The following CSMD2 variants were observed in gnomAD, a reference collection of about 807,000 sequenced individuals.
The protein encoded by CSMD2 is CUB and Sushi multiple domains 2, also known as CUB and sushi domain-containing protein 2.
CSMD2 carries 130 observed loss-of-function variants against 398.5 expected under a neutral mutation model. That is an observed-to-expected ratio of 0.33 (90% CI 0.28 to 0.38). CSMD2 has a LOEUF of 0.38. Among genes scored for constraint, CSMD2 ranks in the 10% least tolerant of loss-of-function variants. The pLI is 1.00. For synonymous variants in CSMD2, 1,828 were observed against 1,908.5 expected (o/e 0.96, Z 1.10); for missense variants, 3,829 against 4,764.9 (o/e 0.80, Z 5.78).
chr1:33,525,172 G>T, intron 65 of CSMD2, 129 bp from the exon 66 acceptor site: 2 of 985,798 alleles, frequency 2.0e-6, no homozygotes, highest in South Asian at 1.5e-5. Context: ...ATGTGAGGAA[G>T]GTGGTAGAAT....
intron 3 of CSMD2, among the ~76,000 whole-genome samples, chr1:33,953,725 A>C (rs1403419073): frequency 1.3e-5 from 2 of 152,192 alleles, no homozygotes; most frequent in Non-Finnish European, 2.9e-5. Flanking sequence ...CTCACCTGAC[A>C]GCCCCATTCC....
chr1:33,624,383 A>G lies in CSMD2; in HGVS notation c.5625+136T>C, dbSNP rs1641963585. 10 of 1,106,242 alleles carry G rather than the reference A, an allele frequency of 9.0e-6. 1 individual carries two copies. The South Asian group carries it at 1.3e-4, about 15-fold the overall frequency. 68.5% of individuals were successfully genotyped at this position (1,106,242 alleles called of 1,614,324 possible). ...AGCCTCCTTAGCCGCAGGGGCAGGT[A>G]CAGGGCTGATATGTCTCTTCCTGGC... is the stretch of plus-strand genomic sequence containing the variant. On this transcript the variant is annotated intron_variant, in intron 35 of 70. Transcript: ENST00000373381. This position sits in a 1 kb window ranked among gnomAD's most constrained non-coding sequence, Gnocchi z 4.7.
intron 56 of CSMD2, among the ~76,000 whole-genome samples, chr1:33,547,976 C>T (rs1160924465): frequency 6.6e-6 from 1 of 152,168 alleles, no homozygotes; most frequent in East Asian, 1.9e-4. Flanking sequence ...GGGTGGATTT[C>T]CCCCTTGCTG....
At chr1:33,565,007 C>A (rs886553713) in intron 53 of CSMD2, among the ~76,000 whole-genome samples, 1 of 152,094 alleles carries the variant, frequency 6.6e-6, no homozygotes. Context: ...AAAACCCAGG[C>A]CTGCAGCCTA....
chr1:33,842,731 A>C (rs991158699), intron 6 of CSMD2, among the ~76,000 whole-genome samples: 4 of 152,182 alleles, frequency 2.6e-5, no homozygotes, highest in Admixed American at 6.5e-5. Flanking sequence ...AATTTCATGC[A>C]GTTTTCATGT....
At chr1:34,066,734 T>G (rs1655156915) in intron 2 of CSMD2, among the ~76,000 whole-genome samples, 1 of 152,104 alleles carries the variant, frequency 6.6e-6, no homozygotes, top group Non-Finnish European at 1.5e-5. Context: ...TTGGGTACAC[T>G]GCAGCACAGT....
At position 34,128,403 on chromosome 1, in the gene CSMD2, C is replaced by T. The variant is rs186534006; in HGVS notation, c.187+36508G>A. Among the ~76,000 whole-genome samples the T allele has an allele frequency of 2.2e-3, 337 of 152,316 alleles. 1 individual carries two copies. The highest frequency in any genetic ancestry group is 7.9e-3 in the African/African-American group (327 of 41,568). ...TACCCGCAGGAAGGGATGCTGCGCT[C>T]GGGTCTGAGGGTGTGTCTCCTAACC... On this transcript the variant is annotated intron_variant, in intron 1 of 70. Coordinates refer to ENST00000373381, the MANE Select transcript of CSMD2 (RefSeq NM_001281956.2).
At chr1:33,796,957 C>T (rs4382683) in intron 10 of CSMD2, among the ~76,000 whole-genome samples, 3,092 of 152,218 alleles carry the variant, frequency 0.02, 116 homozygotes, top group African/African-American at 0.071. Context: ...CCTGCAGTAC[C>T]CTCAGGCTTA....
chr1:33,739,192 G>A lies in CSMD2; in HGVS notation c.2316C>T (p.Cys772=), dbSNP rs536163552. Residue 772 remains cysteine, a synonymous_variant, in exon 15 of 71, where the codon TGC becomes TGT. Coordinates refer to ENST00000373381, the MANE Select transcript of CSMD2 (RefSeq NM_001281956.2). ...LGTQGSETIT[C]VLKEGSVVWN... ...AGACCACGCTGCCCTCCTTCAGGAC[G>A]CAGGTGATGGTCTCTGAGCCCTGAG... is the stretch of plus-strand genomic sequence containing the variant. 2.1e-5 allele frequency: 34 copies of A among 1,614,146 alleles called. No individual in the cohort carries two copies. Among genetic ancestry groups the A allele is most frequent in the Non-Finnish European group, 2.6e-5 (31 of 1,180,010 alleles).
At chr1:33,744,198 C>T (rs1452554873) in intron 13 of CSMD2, among the ~76,000 whole-genome samples, 1 of 152,202 alleles carries the variant, frequency 6.6e-6, no homozygotes, top group Admixed American at 6.5e-5. Context: ...GCTGGGTTTA[C>T]AGCAGTAGGA....
At position 33,515,339 on chromosome 1, in the gene CSMD2, GCGGAGA is replaced by G. The variant is rs746759713; in HGVS notation, c.*1279_*1284del. On this transcript the variant is annotated 3_prime_UTR_variant, in exon 71 of 71. Transcript: ENST00000373381. Reference sequence around the variant, plus strand: ...GAATCCTTGCCCCGAAGCTGCCTACGCGGAGACAGCAGAACCCAGATAGGACACACA... The same window carrying G: ...GAATCCTTGCCCCGAAGCTGCCTACGCAGCAGAACCCAGATAGGACACACA... 19 of 152,372 alleles carry G rather than the reference GCGGAGA, an allele frequency of 1.2e-4. No individual in the cohort carries two copies. Among genetic ancestry groups the G allele is most frequent in the Admixed American group, 3.9e-4 (6 of 15,300 alleles). 9.4% of individuals were successfully genotyped at this position (152,372 alleles called of 1,614,324 possible).
At chr1:33,523,268 T>TCA in intron 67 of CSMD2, 39 bp downstream of exon 67, 1 of 978,442 alleles carries the variant, frequency 1.0e-6, no homozygotes, top group Non-Finnish European at 1.6e-6. Flanking sequence ...CTGCCAGTGA[T>TCA]CTGGGAGTCA....
intron 10 of CSMD2, among the ~76,000 whole-genome samples, chr1:33,805,587 TC>T (rs1451926102): frequency 4.6e-5 from 7 of 152,116 alleles, no homozygotes; most frequent in African/African-American, 1.7e-4. Context: ...ACATGTTGAA[TC>T]CCCAATGTGA....
intron 1 of CSMD2, among the ~76,000 whole-genome samples, chr1:34,137,183 C>T (rs1322461248): frequency 6.6e-6 from 1 of 152,088 alleles, no homozygotes; most frequent in African/African-American, 2.4e-5. Flanking sequence ...CCCATCCATC[C>T]GTCCACCCAT....
At chr1:34,104,725 T>C (rs1038124050) in intron 1 of CSMD2, among the ~76,000 whole-genome samples, 1 of 152,220 alleles carries the variant, frequency 6.6e-6, no homozygotes, top group African/African-American at 2.4e-5. Context: ...TCACTATGCA[T>C]GCCTTCTGGC....
chr1:33,910,803 G>C (rs973089285), intron 5 of CSMD2, among the ~76,000 whole-genome samples: 2 of 152,158 alleles, frequency 1.3e-5, no homozygotes, highest in African/African-American at 4.8e-5. Flanking sequence ...GCCTTGGGAT[G>C]GGGAGAAACA....
intron 1 of CSMD2, among the ~76,000 whole-genome samples, chr1:34,123,610 G>A (rs1284177023): frequency 1.3e-5 from 2 of 152,120 alleles, no homozygotes; most frequent in Admixed American, 6.5e-5. Context: ...GAAGCGGGGG[G>A]GAGTCTCGGG....
intron 1 of CSMD2, among the ~76,000 whole-genome samples, chr1:34,147,913 C>T (rs557483585): frequency 2.0e-5 from 3 of 152,152 alleles, no homozygotes; most frequent in Non-Finnish European, 1.5e-5. Flanking sequence ...AGAGAGTGAG[C>T]GGGTGAGGCT....
At chr1:33,989,666 T>C (rs1570733189) in intron 3 of CSMD2, among the ~76,000 whole-genome samples, 1 of 152,242 alleles carries the variant, frequency 6.6e-6, no homozygotes, top group East Asian at 1.9e-4. Context: ...ATGAATGAAC[T>C]CCTGATACAC....
Sources: gnomAD v4.1 joint callset for allele counts (sites outside exome capture counted in the v4.1 genomes callset) on GRCh38, gnomAD v4.1.1 for gene constraint, Gnocchi (gnomAD v3.1) non-coding constraint, MANE v1.5 for transcripts, NCBI Gene and HGNC (gene_info 2026-07-23, HGNC 2026-07-21) for gene names.